The following RGS7 variants were observed in gnomAD, a reference collection of about 807,000 sequenced individuals.
RGS7 encodes regulator of G-protein signaling 7.
In RGS7, 27 loss-of-function variants were observed where a neutral mutation model predicts 81.1. The observed-to-expected ratio is 0.33, with a 90% CI of 0.25 to 0.46. RGS7 has a LOEUF of 0.46. Ranked by LOEUF, RGS7 falls within the 20% of genes least tolerant of loss-of-function variation. The probability of loss-of-function intolerance (pLI) is 1.00; values close to 1 mark genes in which losing one functional copy is unlikely to be tolerated. For synonymous variants in RGS7, 208 were observed against 207.7 expected, an observed-to-expected ratio of 1.00 and a Z score of -0.01; for missense variants, 396 against 607.4, an observed-to-expected ratio of 0.65 and a Z score of 3.66.
intron 9 of RGS7, among the ~76,000 whole-genome samples, chr1:240,837,216 G>A (rs1394703154): frequency 6.6e-6 from 1 of 152,198 alleles, no homozygotes; most frequent in African/African-American, 2.4e-5. Flanking sequence ...GGCTCCTGCA[G>A]GAAGAAACAA....
At chr1:240,900,007 CT>C (rs1352265770) in intron 6 of RGS7, among the ~76,000 whole-genome samples, 8 of 152,226 alleles carry the variant, frequency 5.3e-5, no homozygotes, top group Middle Eastern at 3.4e-3. Context: ...TTTCTCTAAA[CT>C]TCTCTTCTCG....
At chr1:241,104,396 C>T (rs912541668) in intron 2 of RGS7, among the ~76,000 whole-genome samples, 15 of 152,076 alleles carry the variant, frequency 9.9e-5, no homozygotes, top group Non-Finnish European at 2.2e-4. Flanking sequence ...TTCATGTTGG[C>T]CCCTGCAAGA....
chr1:241,162,060 G>A (rs1382439233), intron 2 of RGS7, among the ~76,000 whole-genome samples: 2 of 152,120 alleles, frequency 1.3e-5, no homozygotes, highest in African/African-American at 2.4e-5. Context: ...GACGTGAGCA[G>A]GTCAGGAGAG....
chr1:240,790,158 G>A (rs1331703987), intron 18 of RGS7, among the ~76,000 whole-genome samples: 1 of 152,036 alleles, frequency 6.6e-6, no homozygotes, highest in Non-Finnish European at 1.5e-5. Flanking sequence ...CTTCAGCTGG[G>A]GAGGTGGAAG....
intron 6 of RGS7, chr1:240,919,731 G>A (rs1673189020): frequency 3.2e-6 from 2 of 627,688 alleles, no homozygotes; most frequent in South Asian, 1.9e-5. Context: ...GAAACAAGGT[G>A]AGAGCCTGAG....
At chr1:241,282,387 A>G (rs749727580) in intron 2 of RGS7, among the ~76,000 whole-genome samples, 9 of 152,226 alleles carry the variant, frequency 5.9e-5, no homozygotes, top group Non-Finnish European at 1.3e-4. Flanking sequence ...ATATAGAAAT[A>G]AAATTGATTT....
intron 2 of RGS7, among the ~76,000 whole-genome samples, chr1:241,327,080 G>GAGAAAGAAAGAAAGAGAA (rs1175185156): frequency 1.4e-4 from 7 of 49,394 alleles, no homozygotes; most frequent in African/African-American, 5.1e-4. Flanking sequence ...AAGGAAGGAA[G>GAGAAAGAAAGAAAGAGAA]AGAAAGAAAG....
At chr1:241,007,837 G>A (rs2058750402) in intron 3 of RGS7, among the ~76,000 whole-genome samples, 1 of 152,154 alleles carries the variant, frequency 6.6e-6, no homozygotes, top group Admixed American at 6.5e-5. Flanking sequence ...AGGGTGGAAA[G>A]CACCTGTGAT....
At chr1:241,219,923 G>A (rs982386113) in intron 2 of RGS7, among the ~76,000 whole-genome samples, 3 of 152,200 alleles carry the variant, frequency 2.0e-5, no homozygotes, top group African/African-American at 7.2e-5. Flanking sequence ...CAGATGGCTT[G>A]CTTTGGGCTT....
At chr1:240,851,340 G>A (rs560739880) in intron 9 of RGS7, among the ~76,000 whole-genome samples, 125 of 152,224 alleles carry the variant, frequency 8.2e-4, no homozygotes, top group Middle Eastern at 6.8e-3. Flanking sequence ...TGTTTACATC[G>A]TCATTTACTG....
At chr1:241,165,241 A>G (rs564249560) in intron 2 of RGS7, among the ~76,000 whole-genome samples, 3 of 152,352 alleles carry the variant, frequency 2.0e-5, no homozygotes, top group South Asian at 4.1e-4. Flanking sequence ...TACCGATTTA[A>G]TAATTCATTC....
chr1:241,086,575 C>T (rs2063462864), intron 3 of RGS7, among the ~76,000 whole-genome samples: 1 of 151,988 alleles, frequency 6.6e-6, no homozygotes, highest in Non-Finnish European at 1.5e-5. Context: ...CCAGCCTTGT[C>T]TCCCTTTTCT....
intron 2 of RGS7, among the ~76,000 whole-genome samples, chr1:241,261,943 T>C (rs971338771): frequency 9.9e-5 from 15 of 152,242 alleles, no homozygotes; most frequent in African/African-American, 3.4e-4. Context: ...GTATTACATA[T>C]ATACTTTGTG....
intron 2 of RGS7, among the ~76,000 whole-genome samples, chr1:241,110,074 A>C (rs1049964042): frequency 1.3e-5 from 2 of 152,220 alleles, no homozygotes; most frequent in Non-Finnish European, 2.9e-5. Context: ...AAATATCGCC[A>C]ACTGCTCTTT....
At chr1:240,988,155 G>A (rs1685949319) in intron 3 of RGS7, among the ~76,000 whole-genome samples, 1 of 151,170 alleles carries the variant, frequency 6.6e-6, no homozygotes, top group African/African-American at 2.4e-5. Context: ...CTGAAGGCAT[G>A]AGTCACTATT....
intron 3 of RGS7, among the ~76,000 whole-genome samples, chr1:241,085,158 A>G (rs2063358762): frequency 6.6e-6 from 1 of 152,240 alleles, no homozygotes; most frequent in South Asian, 2.1e-4. Context: ...TAACTTTCCA[A>G]TGAATCCATG....
At chr1:241,073,681 T>C (rs1303880555) in intron 3 of RGS7, among the ~76,000 whole-genome samples, 1 of 152,160 alleles carries the variant, frequency 6.6e-6, no homozygotes, top group Non-Finnish European at 1.5e-5. Context: ...TCCTAGTCTT[T>C]CCAGGGTCTG....
intron 3 of RGS7, among the ~76,000 whole-genome samples, chr1:241,079,556 G>C (rs2063021009): frequency 6.6e-6 from 1 of 152,146 alleles, no homozygotes; most frequent in Non-Finnish European, 1.5e-5. Flanking sequence ...GGGACAGTGA[G>C]ACAGGGACAG....
intron 9 of RGS7, among the ~76,000 whole-genome samples, chr1:240,867,017 C>CA (rs886984160): frequency 2.6e-5 from 4 of 151,770 alleles, no homozygotes; most frequent in Non-Finnish European, 4.4e-5. Flanking sequence ...TTAAAACAAA[C>CA]AAAAAAAATA....
Sources: allele counts gnomAD v4.1 joint callset (sites outside exome capture counted in the v4.1 genomes callset), GRCh38; gene constraint gnomAD v4.1.1; transcripts MANE v1.5; gene names NCBI Gene and HGNC (gene_info 2026-07-23, HGNC 2026-07-21).